Variants in PRDM16 observed in about 807,000 individuals in gnomAD.
PRDM16 encodes the protein PR/SET domain 16.
Under a neutral mutation model 110.6 loss-of-function variants are expected in PRDM16, and 23 were observed. That is an observed-to-expected ratio of 0.21 (90% confidence interval 0.15 to 0.29). The LOEUF (loss-of-function observed/expected upper bound fraction) is 0.29, where lower values mean the gene tolerates loss of function less well. PRDM16 is among the 10% of genes least tolerant of loss of function. PRDM16 has a pLI of 1.00. For synonymous variants in PRDM16, 799 were observed against 781.8 expected (o/e 1.02, Z -0.37); for missense variants, 1,615 against 1,794.3 (o/e 0.90, Z 1.81).
At chr1:3,099,624 G>A (rs1294708088) in intron 1 of PRDM16, among the ~76,000 whole-genome samples, 2 of 152,192 alleles carry the variant, frequency 1.3e-5, no homozygotes, top group East Asian at 3.9e-4. Context: ...CTGATCCCAG[G>A]CCTGCCAGCA....
intron 2 of PRDM16, among the ~76,000 whole-genome samples, chr1:3,225,561 T>TGC (rs1450316590): frequency 1.2e-4 from 16 of 137,276 alleles, no homozygotes; most frequent in African/African-American, 5.0e-4. Flanking sequence ...TGTGTGTGTG[T>TGC]GTGTGTGTGT....
chr1:3,414,618 C>G lies in PRDM16; in HGVS notation c.2662C>G (p.Arg888Gly). Residue 888 changes from arginine to glycine, a missense_variant, in exon 10 of 17, where the codon CGG (arginine) becomes GGG (glycine). Arg to Gly is a moderately radical substitution (Grantham distance 125). Coordinates refer to ENST00000270722, the MANE Select transcript of PRDM16 (RefSeq NM_022114.4). ...PVGALKEKYL[R>G]PSPLLFHPQM... Reference sequence around the variant, plus strand: ...GGGAGCCCTGAAGGAGAAGTACCTGCGGCCGTCCCCGCTGCTCTTCCACCC... The same window carrying G: ...GGGAGCCCTGAAGGAGAAGTACCTGGGGCCGTCCCCGCTGCTCTTCCACCC... The G allele has an allele frequency of 6.2e-7, 1 of 1,613,252 alleles. No individual in the cohort carries two copies. The highest frequency in any genetic ancestry group is 1.7e-4 in the Middle Eastern group (1 of 6,058).
chr1:3,114,171 A>ACACG (rs1553127215), intron 1 of PRDM16, among the ~76,000 whole-genome samples: 7 of 97,348 alleles, frequency 7.2e-5, no homozygotes, highest in Non-Finnish European at 1.5e-4. Flanking sequence ...ACACGCACAC[A>ACACG]CACGCACACA....
At chr1:3,387,494 C>A (rs1359276059) in intron 4 of PRDM16, among the ~76,000 whole-genome samples, 1 of 152,232 alleles carries the variant, frequency 6.6e-6, no homozygotes, top group African/African-American at 2.4e-5. Flanking sequence ...CCTTGTGAGA[C>A]CTTCCCCTCC....
intron 3 of PRDM16, among the ~76,000 whole-genome samples, chr1:3,277,710 C>G (rs1640616793): frequency 6.6e-6 from 1 of 151,012 alleles, no homozygotes; most frequent in Non-Finnish European, 1.5e-5. Context: ...CCCTTGTTCA[C>G]CCACATGCAC....
chr1:3,261,094 G>GTCCTGAGAGTCCTCCT (rs1418757338), intron 3 of PRDM16, among the ~76,000 whole-genome samples: 1 of 148,852 alleles, frequency 6.7e-6, no homozygotes, highest in Non-Finnish European at 1.5e-5. Context: ...ACAGTGCTCA[G>GTCCTGAGAGTCCTCCT]GAGAGTCCTT....
intron 3 of PRDM16, among the ~76,000 whole-genome samples, chr1:3,324,324 T>C (rs562133533): frequency 6.6e-6 from 1 of 152,024 alleles, no homozygotes; most frequent in Non-Finnish European, 1.5e-5. Context: ...GAGGCCACCT[T>C]TGCCACCCTG....
At chr1:3,180,635 C>T (rs145135553) in intron 1 of PRDM16, among the ~76,000 whole-genome samples, 44 of 146,684 alleles carry the variant, frequency 3.0e-4, no homozygotes, top group African/African-American at 1.0e-3. Context: ...CCGGGGCAGC[C>T]GAGCGCCATT....
intron 1 of PRDM16, among the ~76,000 whole-genome samples, chr1:3,079,028 G>A (rs1177530872): frequency 2.0e-5 from 3 of 152,350 alleles, no homozygotes; most frequent in East Asian, 1.9e-4. Flanking sequence ...AACGGTGACC[G>A]CAGGGTGGCT....
intron 1 of PRDM16, among the ~76,000 whole-genome samples, chr1:3,138,973 TC>T (rs1473619424): frequency 1.3e-5 from 2 of 152,156 alleles, no homozygotes; most frequent in Admixed American, 1.3e-4. Flanking sequence ...CGGCCAGTTT[TC>T]CTGTGTGCTG....
chr1:3,367,692 C>T (rs1569583622), intron 3 of PRDM16, among the ~76,000 whole-genome samples: 1 of 152,284 alleles, frequency 6.6e-6, no homozygotes, highest in Admixed American at 6.5e-5. Context: ...AACATATTGG[C>T]AAGAGTGGAA....
chr1:3,401,651 G>T (rs920704176), intron 5 of PRDM16, among the ~76,000 whole-genome samples: 36 of 152,174 alleles, frequency 2.4e-4, no homozygotes, highest in African/African-American at 8.5e-4. Flanking sequence ...ATGCACATGT[G>T]TGCACATCAA....
At chr1:3,405,353 C>T in intron 7 of PRDM16, 142 bp from the exon 8 acceptor site, 1 of 933,440 alleles carries the variant, frequency 1.1e-6, no homozygotes, top group Non-Finnish European at 1.6e-6. Context: ...AGAGACCTGT[C>T]CCGGCCTGCT....
chr1:3,431,853 G>A, intron 15 of PRDM16, 113 bp from the exon 16 acceptor site: 4 of 1,033,166 alleles, frequency 3.9e-6, no homozygotes, highest in Non-Finnish European at 5.8e-6. Context: ...CATGTGGCTG[G>A]CAGAGATGCA....
intron 3 of PRDM16, among the ~76,000 whole-genome samples, chr1:3,332,249 T>C (rs1642056041): frequency 6.6e-6 from 1 of 152,292 alleles, no homozygotes; most frequent in Non-Finnish European, 1.5e-5. Flanking sequence ...CGCTGTGTAC[T>C]CGCTTCCGAG....
At chr1:3,096,364 A>G (rs1358837508) in intron 1 of PRDM16, among the ~76,000 whole-genome samples, 1 of 152,032 alleles carries the variant, frequency 6.6e-6, no homozygotes, top group Non-Finnish European at 1.5e-5. Context: ...GACCCCCAGG[A>G]GGCTCTGTGC....
intron 1 of PRDM16, among the ~76,000 whole-genome samples, chr1:3,152,817 T>A (rs1226646759): frequency 6.6e-6 from 1 of 151,946 alleles, no homozygotes; most frequent in African/African-American, 2.4e-5. Context: ...CCCCAGGAGG[T>A]CCCCGTCCTC....
chr1:3,086,099 C>T (rs1004660698), intron 1 of PRDM16, among the ~76,000 whole-genome samples: 2 of 142,086 alleles, frequency 1.4e-5, no homozygotes, highest in African/African-American at 2.7e-5. Flanking sequence ...TGGCCTGAGG[C>T]GGCTGGATGC....
At chr1:3,198,825 C>A (rs1638547182) in intron 2 of PRDM16, among the ~76,000 whole-genome samples, 1 of 152,218 alleles carries the variant, frequency 6.6e-6, no homozygotes, top group Non-Finnish European at 1.5e-5. Context: ...AATTGTACAT[C>A]CCATTGTGTC....
Sources: allele counts gnomAD v4.1 joint callset (sites outside exome capture counted in the v4.1 genomes callset), GRCh38; gene constraint gnomAD v4.1.1; transcripts MANE v1.5; gene names NCBI Gene and HGNC (gene_info 2026-07-23, HGNC 2026-07-21).